The following AKT3 variants were observed in gnomAD, a reference collection of about 807,000 sequenced individuals.
AKT3 encodes RAC-gamma serine/threonine-protein kinase.
AKT3 carries 15 observed loss-of-function variants against 65.3 expected under a neutral mutation model. That is an observed-to-expected ratio of 0.23 (90% CI 0.15 to 0.35). The LOEUF is 0.35. Among genes scored for constraint, AKT3 ranks in the 10% least tolerant of loss-of-function variants. The pLI, the probability that AKT3 is intolerant of heterozygous loss-of-function variation, is 1.00. For missense variants in AKT3, 243 were observed against 576.5 expected (o/e 0.42, Z 5.92); for synonymous variants, 206 against 183.8 (o/e 1.12, Z -0.98).
chr1:243,815,080 A>G (rs1693420825), intron 2 of AKT3, among the ~76,000 whole-genome samples: 1 of 152,152 alleles, frequency 6.6e-6, no homozygotes, highest in Admixed American at 6.5e-5. Flanking sequence ...AGGGTCCTAG[A>G]TTGGATCTTT....
chr1:243,622,079 A>G (rs1159363368), intron 6 of AKT3, among the ~76,000 whole-genome samples: 1 of 152,230 alleles, frequency 6.6e-6, no homozygotes, highest in Non-Finnish European at 1.5e-5. Context: ...TTCCCACTTC[A>G]TTCACAGTAA....
intron 9 of AKT3, among the ~76,000 whole-genome samples, chr1:243,570,607 T>C (rs1674486505): frequency 6.6e-6 from 1 of 152,232 alleles, no homozygotes; most frequent in Non-Finnish European, 1.5e-5. Flanking sequence ...ACTAGGCTTC[T>C]AGGTTTGAAG....
intron 12 of AKT3, among the ~76,000 whole-genome samples, chr1:243,537,853 CT>C (rs573913792): frequency 9.3e-4 from 142 of 152,220 alleles, no homozygotes; most frequent in African/African-American, 3.3e-3. Context: ...CTTGTTACTA[CT>C]TTTTTTTCTC....
chr1:243,807,084 C>T (rs1486612767), intron 2 of AKT3, among the ~76,000 whole-genome samples: 1 of 152,184 alleles, frequency 6.6e-6, no homozygotes, highest in Non-Finnish European at 1.5e-5. Context: ...GGAAAAGCTA[C>T]AGTCTACAGA....
intron 2 of AKT3, among the ~76,000 whole-genome samples, chr1:243,704,631 T>C (rs1215553834): frequency 6.6e-6 from 1 of 152,124 alleles, no homozygotes; most frequent in Admixed American, 6.5e-5. Flanking sequence ...GGGAAGAATA[T>C]CAGCGTAGGA....
intron 2 of AKT3, among the ~76,000 whole-genome samples, chr1:243,796,448 T>C (rs1692010503): frequency 1.3e-5 from 2 of 152,160 alleles, no homozygotes; most frequent in South Asian, 2.1e-4. Context: ...TACATGGAAA[T>C]CAGATTAAGT....
At chr1:243,614,951 A>G in intron 7 of AKT3, 145 bp downstream of exon 7, 1 of 630,050 alleles carries the variant, frequency 1.6e-6, no homozygotes, top group Non-Finnish European at 2.7e-6. Context: ...ACATTCTAAT[A>G]AGTTATAAGA....
chr1:243,517,273 TAA>T (rs1233539979), intron 12 of AKT3, among the ~76,000 whole-genome samples: 3 of 152,156 alleles, frequency 2.0e-5, no homozygotes, highest in Non-Finnish European at 4.4e-5. Flanking sequence ...TTGAGAAAAA[TAA>T]GTGTTCTTAT....
At chr1:243,624,522 AACTCTTAAATCACCATTTTC>A (rs1408755586) in intron 6 of AKT3, 1 of 152,442 alleles carries the variant, frequency 6.6e-6, no homozygotes, top group African/African-American at 2.4e-5. Context: ...TGGAATAACA[AACTCTTAAATCACCATTTTC>A]CACCTCCACA....
intron 6 of AKT3, among the ~76,000 whole-genome samples, chr1:243,632,652 C>G (rs1220281995): frequency 6.6e-6 from 1 of 152,190 alleles, no homozygotes; most frequent in Admixed American, 6.5e-5. Context: ...AATGACTTCT[C>G]CTTTCTAAGG....
At chr1:243,698,561 A>G (rs906031820) in intron 2 of AKT3, among the ~76,000 whole-genome samples, 3 of 152,100 alleles carry the variant, frequency 2.0e-5, no homozygotes, top group African/African-American at 7.2e-5. Context: ...TCTATGATCT[A>G]TAGCAGGACT....
chr1:243,799,989 CT>C lies in AKT3; in HGVS notation c.46+43135del, dbSNP rs573894271. On this transcript the variant is annotated intron_variant, in intron 2 of 13. Coordinates refer to ENST00000673466, the MANE Select transcript of AKT3 (RefSeq NM_005465.7). The stretch of plus-strand genomic sequence containing the variant: ...GAATTCTGTCTATAACTTAAAGTTC[CT>C]TTTTTTTTAGCTCTTATTCTCTGTC... Among the ~76,000 whole-genome samples the C allele has an allele frequency of 2.8e-3, 425 of 150,908 alleles. 2 individuals are homozygous for C. Among genetic ancestry groups the C allele is most frequent in the African/African-American group, 9.9e-3 (409 of 41,134 alleles).
intron 8 of AKT3, among the ~76,000 whole-genome samples, chr1:243,590,284 A>T (rs1676132375): frequency 6.6e-6 from 1 of 152,236 alleles, no homozygotes. Flanking sequence ...TGACAGACGT[A>T]TTCACTAATT....
At chr1:243,600,675 C>A (rs1375435188) in intron 8 of AKT3, among the ~76,000 whole-genome samples, 2 of 151,968 alleles carry the variant, frequency 1.3e-5, no homozygotes, top group Admixed American at 6.6e-5. Context: ...GGCTCATAGA[C>A]CTAAATGCAA....
chr1:243,664,346 G>A (rs1025427423), intron 4 of AKT3, among the ~76,000 whole-genome samples: 2 of 151,208 alleles, frequency 1.3e-5, no homozygotes, highest in African/African-American at 2.4e-5. Context: ...ACAGGCGCCC[G>A]CCACCACGCC....
chr1:243,505,476 T>C (rs1006751975), intron 13 of AKT3, 142 bp from the exon 14 acceptor site: 1 of 639,098 alleles, frequency 1.6e-6, no homozygotes, highest in Non-Finnish European at 2.7e-6. Context: ...CAATAAGCTG[T>C]AGAGTAATTA....
Position 243,796,174 on chromosome 1 carries a change from T to G in AKT3, c.46+46951A>C, listed in dbSNP as rs542937857. ...CTTATTTGAAAGAGGTATAGCAGCTTCTGTCTCCTGTTGTAACCTCTCCCA... is the reference window on the plus strand; with the variant it reads ...CTTATTTGAAAGAGGTATAGCAGCTGCTGTCTCCTGTTGTAACCTCTCCCA... On this transcript the variant is annotated intron_variant, in intron 2 of 13. Transcript: ENST00000673466. 2.8e-4 allele frequency among the ~76,000 whole-genome samples: 42 copies of G among 152,328 alleles called. 1 individual carries two copies. In the South Asian group the frequency reaches 8.3e-3, roughly 30 times the overall value.
chr1:243,673,538 A>C (rs536711909), intron 3 of AKT3, among the ~76,000 whole-genome samples: 1 of 152,240 alleles, frequency 6.6e-6, no homozygotes, highest in South Asian at 2.1e-4. Flanking sequence ...AACAGAAGTA[A>C]ATTACTCAGA....
At chr1:243,572,288 T>G (rs937280723) in intron 9 of AKT3, among the ~76,000 whole-genome samples, 9 of 152,174 alleles carry the variant, frequency 5.9e-5, no homozygotes, top group African/African-American at 2.2e-4. Flanking sequence ...CTGAGGCTGC[T>G]TTTACCCTAC....
Sources: gnomAD v4.1 joint callset for allele counts (sites outside exome capture counted in the v4.1 genomes callset) on GRCh38, gnomAD v4.1.1 for gene constraint, MANE v1.5 for transcripts, NCBI Gene and HGNC (gene_info 2026-07-23, HGNC 2026-07-21) for gene names.